Variants in KIAA0825 observed in about 807,000 individuals in gnomAD.
The protein encoded by KIAA0825 is uncharacterized protein KIAA0825.
In KIAA0825, 119 loss-of-function variants were observed where a neutral mutation model predicts 147.6. The ratio of observed to expected loss-of-function variants is 0.81; its 90% CI spans 0.69 to 0.94. KIAA0825 has a LOEUF of 0.94. Ranked by LOEUF, KIAA0825 falls within the 40% of genes least tolerant of loss-of-function variation. The probability of loss-of-function intolerance (pLI) is 0.00; values close to 1 mark genes in which losing one functional copy is unlikely to be tolerated. For synonymous variants in KIAA0825, 470 were observed against 518.1 expected, an observed-to-expected ratio of 0.91 and a Z score of 1.26; for missense variants, 1,381 against 1,472.7, an observed-to-expected ratio of 0.94 and a Z score of 1.02.
At chr5:94,479,868 G>T (rs1052868448) in intron 6 of KIAA0825, among the ~76,000 whole-genome samples, 1 of 151,972 alleles carries the variant, frequency 6.6e-6, no homozygotes, top group African/African-American at 2.4e-5. Context: ...ATGCTTATTT[G>T]CCATCTGTGT....
At chr5:94,253,515 A>G (rs1241003474) in intron 20 of KIAA0825, among the ~76,000 whole-genome samples, 1 of 152,088 alleles carries the variant, frequency 6.6e-6, no homozygotes, top group East Asian at 1.9e-4. Flanking sequence ...TCATGGAGCT[A>G]ATTTCCAGTA....
At chr5:94,553,834 C>G (rs1341095713) in intron 2 of KIAA0825, among the ~76,000 whole-genome samples, 1 of 151,700 alleles carries the variant, frequency 6.6e-6, no homozygotes, top group Non-Finnish European at 1.5e-5. Flanking sequence ...ATTAGGCTCT[C>G]AGTTTTCTTC....
rs970707669 is a variant in KIAA0825, at chr5:94,454,900, G to A, written c.2247-1831C>T. ...ATAAAACATGTTAAATTCACAGAAC[G>A]AACAATATTCATCTCCTAATGACAT... On this transcript the variant is annotated intron_variant, in intron 12 of 20. Transcript: ENST00000682413. Among the ~76,000 whole-genome samples, 4 of 152,156 alleles carry A rather than the reference G, an allele frequency of 2.6e-5. No homozygotes were observed. In the South Asian group the frequency reaches 6.2e-4, roughly 24 times the overall value.
chr5:94,569,076 C>A, intron 2 of KIAA0825: 1 of 171,144 alleles, frequency 5.8e-6, no homozygotes, highest in South Asian at 1.8e-4. Flanking sequence ...ATGCTGGCCC[C>A]TCCCCTTCAT....
chr5:94,471,409 C>A (rs1761202080), intron 9 of KIAA0825, 57 bp downstream of exon 9: 2 of 1,498,370 alleles, frequency 1.3e-6, no homozygotes, highest in East Asian at 5.0e-5. Flanking sequence ...CCTGTGATAT[C>A]CAAAGATTAC....
At chr5:94,165,026 A>T (rs1281009525) in intron 20 of KIAA0825, among the ~76,000 whole-genome samples, 2 of 152,208 alleles carry the variant, frequency 1.3e-5, no homozygotes, top group African/African-American at 4.8e-5. Context: ...AAAACAAGTT[A>T]AAAAGCTTCT....
At chr5:94,556,294 G>C (rs1776535134) in intron 2 of KIAA0825, among the ~76,000 whole-genome samples, 1 of 152,042 alleles carries the variant, frequency 6.6e-6, no homozygotes, top group Non-Finnish European at 1.5e-5. Context: ...TGGCCAGGTT[G>C]GTCTGGAAGT....
intron 1 of KIAA0825, chr5:94,593,024 TA>T: frequency 1.5e-6 from 1 of 651,136 alleles, no homozygotes; most frequent in Admixed American, 2.1e-5. Flanking sequence ...ATCAGTCTAT[TA>T]AAAAATGTTG....
chr5:94,594,780 G>A, intron 1 of KIAA0825: 3 of 567,864 alleles, frequency 5.3e-6, no homozygotes, highest in South Asian at 4.6e-5. Flanking sequence ...ATTTAGAGAA[G>A]TCGAATCATG....
chr5:94,266,503 TAAAA>T (rs905330099), intron 20 of KIAA0825, among the ~76,000 whole-genome samples: 1 of 152,068 alleles, frequency 6.6e-6, no homozygotes, highest in African/African-American at 2.4e-5. Context: ...GGTGCTGTAT[TAAAA>T]AAAATCCACA....
chr5:94,557,402 CCTTT>C (rs1275920835), intron 2 of KIAA0825, among the ~76,000 whole-genome samples: 5 of 151,344 alleles, frequency 3.3e-5, no homozygotes, highest in African/African-American at 9.7e-5. Flanking sequence ...ATGCAAGGCT[CCTTT>C]CTTTTTTTTT....
chr5:94,390,956 C>T (rs1055310552), intron 18 of KIAA0825, among the ~76,000 whole-genome samples: 1 of 152,098 alleles, frequency 6.6e-6, no homozygotes, highest in Non-Finnish European at 1.5e-5. Flanking sequence ...GCTGAGATAA[C>T]GTGCTATTTA....
At chr5:94,592,710 G>T (rs1784560964) in intron 1 of KIAA0825, 1 of 301,216 alleles carries the variant, frequency 3.3e-6, no homozygotes, top group Non-Finnish European at 6.4e-6. Context: ...ATCCCTGTTT[G>T]TTGCACCTGA....
At chr5:94,182,250 C>CTTCTTTTTTTTTT (rs1769702226) in intron 20 of KIAA0825, among the ~76,000 whole-genome samples, 1 of 38,276 alleles carries the variant, frequency 2.6e-5, no homozygotes, top group East Asian at 9.5e-4. Context: ...AATGTCCCTT[C>CTTCTTTTTTTTTT]TTTTTTTTTT....
intron 20 of KIAA0825, among the ~76,000 whole-genome samples, chr5:94,380,781 TAAAG>T (rs1748297712): frequency 6.6e-6 from 1 of 152,196 alleles, no homozygotes; most frequent in African/African-American, 2.4e-5. Flanking sequence ...CCAAATAACT[TAAAG>T]AAAGCATTCT....
chr5:94,230,148 G>A (rs115389525), intron 20 of KIAA0825, among the ~76,000 whole-genome samples: 2,330 of 152,238 alleles, frequency 0.015, 42 homozygotes, highest in South Asian at 0.068. Flanking sequence ...TTTAGTATTT[G>A]AGGCTCTTGT....
chr5:94,596,659 C>T (rs1053918593), intron 1 of KIAA0825, among the ~76,000 whole-genome samples: 22 of 152,126 alleles, frequency 1.4e-4, no homozygotes, highest in African/African-American at 5.3e-4. Flanking sequence ...CTGTAAATTG[C>T]TTTGGGCAGT....
intron 20 of KIAA0825, among the ~76,000 whole-genome samples, chr5:94,345,677 C>T (rs1468760203): frequency 1.3e-5 from 2 of 151,940 alleles, no homozygotes; most frequent in African/African-American, 4.8e-5. Flanking sequence ...TATTTTCTTC[C>T]CTTTAGAAAA....
intron 15 of KIAA0825, among the ~76,000 whole-genome samples, chr5:94,410,095 G>T (rs747090053): frequency 4.0e-5 from 6 of 151,052 alleles, no homozygotes; most frequent in Non-Finnish European, 8.8e-5. Flanking sequence ...AAATGAGAAG[G>T]TATACACAAA....
Sources: gnomAD v4.1 joint callset for allele counts (sites outside exome capture counted in the v4.1 genomes callset) on GRCh38, gnomAD v4.1.1 for gene constraint, MANE v1.5 for transcripts, NCBI Gene and HGNC (gene_info 2026-07-23, HGNC 2026-07-21) for gene names.